ABLIM2: variants seen among roughly 807,000 people sequenced by gnomAD.
ABLIM2 encodes the protein actin-binding LIM protein 2.
In ABLIM2, 53 loss-of-function variants were observed where a neutral mutation model predicts 97.7. The ratio of observed to expected loss-of-function variants is 0.54; its 90% CI spans 0.44 to 0.68. The LOEUF is 0.68. ABLIM2 is among the 30% of genes least tolerant of loss of function. ABLIM2 has a pLI of 0.00. For synonymous variants in ABLIM2, 361 were observed against 345.8 expected (o/e 1.04, Z -0.49); for missense variants, 835 against 867.2 (o/e 0.96, Z 0.47).
intron 3 of ABLIM2, 137 bp from the exon 4 acceptor site, chr4:8,088,421 C>A: frequency 1.5e-6 from 1 of 664,160 alleles, no homozygotes; most frequent in Non-Finnish European, 2.6e-6. Context: ...TGAGGAAATG[C>A]AGGGCCTCTC....
chr4:7,985,184 T>C (rs754197102), intron 17 of ABLIM2, among the ~76,000 whole-genome samples: 1 of 152,212 alleles, frequency 6.6e-6, no homozygotes, highest in Non-Finnish European at 1.5e-5. Context: ...CCAACCCCAT[T>C]TGAAAGCTGC....
chr4:8,069,251 T>A lies in ABLIM2; in HGVS notation c.676-8197A>T, dbSNP rs533797224. ...TGGCACTGGCAGACGAGCCGTCCAG[T>A]GGGGACGTTCTGAACAAGGCAACAC... On this transcript the variant is annotated intron_variant, in intron 6 of 20. Transcript: ENST00000447017. The surrounding 1 kb of genome is among the most constrained non-coding windows in gnomAD (Gnocchi z 4.2). 6.6e-6 allele frequency among the ~76,000 whole-genome samples: 1 copy of A among 152,196 alleles called. No homozygotes were observed. Among genetic ancestry groups the A allele is most frequent in the Admixed American group, 6.5e-5 (1 of 15,284 alleles).
intron 20 of ABLIM2, among the ~76,000 whole-genome samples, chr4:7,967,881 G>A (rs954248374): frequency 3.4e-4 from 52 of 152,244 alleles, no homozygotes; most frequent in Non-Finnish European, 1.5e-5. Context: ...GTACCCGTGG[G>A]TGCTGGCTGC....
In ABLIM2 at chr4:8,061,605, T is replaced by C. The variant is rs1803138884; in HGVS notation, c.676-551A>G. Among the ~76,000 whole-genome samples, 1 of 150,974 alleles carries C rather than the reference T, an allele frequency of 6.6e-6. No homozygotes were observed. The highest frequency in any genetic ancestry group is 1.5e-5 in the Non-Finnish European group (1 of 67,840). On this transcript the variant is annotated intron_variant, in intron 6 of 20. Transcript: ENST00000447017. The surrounding 1 kb of genome is among the most constrained non-coding windows in gnomAD (Gnocchi z 4.5). ...TAGACTACAAATGCTAATACTGAAA[T>C]AACCCAAACAAACCACATTGCCTGG...
chr4:8,053,560 G>C (rs1797305220), intron 8 of ABLIM2, among the ~76,000 whole-genome samples: 1 of 152,194 alleles, frequency 6.6e-6, no homozygotes, highest in Admixed American at 6.5e-5. Context: ...CACTGTAGTT[G>C]TTCTCAAATT....
rs760855903 is a variant in ABLIM2 at position 7,971,775 on chromosome 4, C to A, written c.1825-4672G>T. 1.4e-3 allele frequency among the ~76,000 whole-genome samples: 209 copies of A among 152,240 alleles called. 7 individuals are homozygous for A. The highest frequency in any genetic ancestry group is 1.3e-3 in the Non-Finnish European group (91 of 67,984). On this transcript the variant is annotated intron_variant, in intron 20 of 20. Transcript: ENST00000447017. ...GGTACTCCCAGCTTCCCTGACCCCA[C>A]CAAGCTCAGAGGTACCCCTGGGAGG...
intron 8 of ABLIM2, among the ~76,000 whole-genome samples, chr4:8,050,730 G>A (rs989170693): frequency 1.0e-4 from 15 of 143,462 alleles, no homozygotes; most frequent in African/African-American, 2.7e-4. Context: ...GCCAGGAAGC[G>A]CCAGGCCCTC....
chr4:7,996,059 G>C lies in ABLIM2; in HGVS notation c.1619-3132C>G, dbSNP rs1294600501. 6.6e-6 allele frequency among the ~76,000 whole-genome samples: 1 copy of C among 152,184 alleles called. No individual in the cohort carries two copies. Among genetic ancestry groups the C allele is most frequent in the Non-Finnish European group, 1.5e-5 (1 of 68,022 alleles). On this transcript the variant is annotated intron_variant, in intron 16 of 20. Transcript: ENST00000447017. This position sits in a 1 kb window ranked among gnomAD's most constrained non-coding sequence, Gnocchi z 4.5. ...CTCCTTCATGCCCAGAGCCAGGCAT[G>C]CTCTGGGAGCCCGAGGGCCCCTCCA...
At chr4:8,146,903 G>A (rs1380129491) in intron 1 of ABLIM2, among the ~76,000 whole-genome samples, 1 of 152,064 alleles carries the variant, frequency 6.6e-6, no homozygotes, top group Non-Finnish European at 1.5e-5. Flanking sequence ...ATAAGCAAAA[G>A]CTCTCTGGGG....
chr4:8,111,581 G>T (rs1443400052), intron 1 of ABLIM2, among the ~76,000 whole-genome samples: 5 of 152,178 alleles, frequency 3.3e-5, no homozygotes, highest in Non-Finnish European at 2.9e-5. Context: ...AACTCTCTGT[G>T]TCTTATCTAG....
rs149107256 is a variant in ABLIM2, at chr4:8,021,312, C to T, written c.1268-1009G>A. 1.3e-4 allele frequency among the ~76,000 whole-genome samples: 20 copies of T among 152,254 alleles called. No individual in the cohort carries two copies. The highest frequency in any genetic ancestry group is 5.8e-4 in the East Asian group (3 of 5,166). ...CAGAGGGCCGAGGTGACCTGGGTGA[C>T]GCCCCTCCCCCCACACCTGTTTGGG... is the stretch of plus-strand genomic sequence containing the variant. On this transcript the variant is annotated intron_variant, in intron 12 of 20. Coordinates refer to ENST00000447017, the MANE Select transcript of ABLIM2 (RefSeq NM_001130083.2). This position sits in a 1 kb window ranked among gnomAD's most constrained non-coding sequence, Gnocchi z 5.5.
rs375031225 is a variant in ABLIM2 at position 8,111,493 on chromosome 4, C to T, written c.11-4856G>A. Among the ~76,000 whole-genome samples, 18 of 152,338 alleles carry T rather than the reference C, an allele frequency of 1.2e-4. No individual in the cohort carries two copies. The East Asian group carries it at 1.5e-3, about 13-fold the overall frequency. ...TGAACTTCGCTTAAGAATACATCAA[C>T]GTTGGTACAGTTACAACAAATGCAC... On this transcript the variant is annotated intron_variant, in intron 1 of 20. Transcript: ENST00000447017.
intron 20 of ABLIM2, among the ~76,000 whole-genome samples, chr4:7,977,985 A>C (rs531502285): frequency 1.4e-4 from 22 of 152,280 alleles, no homozygotes; most frequent in East Asian, 5.8e-4. Flanking sequence ...TTCCAGAAGC[A>C]TATCTCCCAC....
intron 18 of ABLIM2, 86 bp from the exon 19 acceptor site, chr4:7,983,640 TAC>T: frequency 6.6e-7 from 1 of 1,512,654 alleles, no homozygotes; most frequent in Non-Finnish European, 9.1e-7. Flanking sequence ...TGCCCTGGGG[TAC>T]CCCTGTCTCC....
rs931056386 is a variant in ABLIM2, at chr4:8,015,622, G to C, written c.1423+3996C>G. On this transcript the variant is annotated intron_variant, in intron 14 of 20. Transcript: ENST00000447017. The surrounding 1 kb of genome is among the most constrained non-coding windows in gnomAD (Gnocchi z 4.6). ...AGACACAGGGAACAACGTGTGTCCC[G>C]TGGGGTCACTTCCACTGTTGGCTTT... Among the ~76,000 whole-genome samples, 1 of 152,178 alleles carries C rather than the reference G, an allele frequency of 6.6e-6. No homozygotes were observed.
In ABLIM2 at chr4:7,966,892, A is replaced by G; in HGVS notation, c.*98T>C. 3.5e-6 allele frequency: 1 copy of G among 289,028 alleles called. No individual in the cohort carries two copies. Among genetic ancestry groups the G allele is most frequent in the Non-Finnish European group, 6.7e-6 (1 of 148,574 alleles). The allele number at this position is 289,028 out of a possible 1,614,324, so 17.9% of individuals were successfully genotyped here. On this transcript the variant is annotated 3_prime_UTR_variant, in exon 21 of 21. Coordinates refer to ENST00000447017, the MANE Select transcript of ABLIM2 (RefSeq NM_001130083.2). ...TCCCGCCCACCCCATGGACACAGAG[A>G]AGCCAGAGCAAGGTGTGTGGGAGGG... is the stretch of plus-strand genomic sequence containing the variant.
rs1819302138 is a variant in ABLIM2, at chr4:8,080,758, C to T, written c.499G>A (p.Val167Ile). The change falls in exon 5 of 21, where the codon GTA (valine) becomes ATA (isoleucine). Residue 167 changes from valine to isoleucine, a missense_variant. By Grantham distance (29) the Val-to-Ile change is conservative. Coordinates refer to ENST00000447017, the MANE Select transcript of ABLIM2 (RefSeq NM_001130083.2). ...AAGTGCCAGTGCTTGTCCAAGGCTA[C>T]CAGGGCCTGGCCATTCTTGATTTCT... ...GTEIKNGQALVALDKHWHLGC... is the reference protein window; with the variant it reads ...GTEIKNGQALIALDKHWHLGC... The T allele has an allele frequency of 6.2e-7, 1 of 1,612,298 alleles. No homozygotes were observed. The highest frequency in any genetic ancestry group is 2.2e-5 in the East Asian group (1 of 44,848).
intron 5 of ABLIM2, among the ~76,000 whole-genome samples, chr4:8,078,034 C>T (rs2152417956): frequency 6.6e-6 from 1 of 152,322 alleles, no homozygotes; most frequent in South Asian, 2.1e-4. Flanking sequence ...GTAGACCTGG[C>T]TCTTCTTTCT....
rs1159578212 is a variant in ABLIM2 at position 8,140,178 on chromosome 4, G to A, written c.10+18502C>T. Among the ~76,000 whole-genome samples, 2 of 152,130 alleles carry A rather than the reference G, an allele frequency of 1.3e-5. No homozygotes were observed. The highest frequency in any genetic ancestry group is 2.9e-5 in the Non-Finnish European group (2 of 68,032). Reference sequence around the variant, plus strand: ...CTCAATACCTTGGTGTGGGTTAACAGGTGCGGCAAACCACCATGGCACACG... The same window carrying A: ...CTCAATACCTTGGTGTGGGTTAACAAGTGCGGCAAACCACCATGGCACACG... On this transcript the variant is annotated intron_variant, in intron 1 of 20. Coordinates refer to ENST00000447017, the MANE Select transcript of ABLIM2 (RefSeq NM_001130083.2). The surrounding 1 kb of genome is among the most constrained non-coding windows in gnomAD (Gnocchi z 5.9).
Sources: gnomAD v4.1 joint callset for allele counts (sites outside exome capture counted in the v4.1 genomes callset) on GRCh38, gnomAD v4.1.1 for gene constraint, Gnocchi (gnomAD v3.1) non-coding constraint, MANE v1.5 for transcripts, NCBI Gene and HGNC (gene_info 2026-07-23, HGNC 2026-07-21) for gene names.